The following CALN1 variants were observed in gnomAD, a reference collection of about 807,000 sequenced individuals.
The protein encoded by CALN1 is calcium-binding protein 8.
In CALN1, 17 loss-of-function variants were observed where a neutral mutation model predicts 30.6. That is an observed-to-expected ratio of 0.56 (90% CI 0.38 to 0.83). The LOEUF is 0.83. Among genes scored for constraint, CALN1 ranks in the 40% least tolerant of loss-of-function variants. The pLI is 0.00. For missense variants in CALN1, 291 were observed against 354.9 expected, an observed-to-expected ratio of 0.82 and a Z score of 1.45; for synonymous variants, 156 against 131.4, an observed-to-expected ratio of 1.19 and a Z score of -1.28.
chr7:71,821,433 T>C (rs536282007), intron 5 of CALN1, among the ~76,000 whole-genome samples: 35 of 152,228 alleles, frequency 2.3e-4, no homozygotes, highest in African/African-American at 7.5e-4. Context: ...GTGAAAGTCA[T>C]GTCTTACATG....
At chr7:71,908,425 A>G (rs1445915034) in intron 5 of CALN1, among the ~76,000 whole-genome samples, 1 of 152,250 alleles carries the variant, frequency 6.6e-6, no homozygotes, top group Non-Finnish European at 1.5e-5. Context: ...AAGACAGAAC[A>G]TAAATCACAA....
At chr7:72,381,280 A>G (rs780825907) in intron 2 of CALN1, among the ~76,000 whole-genome samples, 17 of 152,216 alleles carry the variant, frequency 1.1e-4, no homozygotes, top group Non-Finnish European at 2.2e-4. Flanking sequence ...CAGTGTGGCG[A>G]TTCCTCAAGG....
At chr7:71,899,205 G>A (rs371554443) in intron 5 of CALN1, among the ~76,000 whole-genome samples, 37 of 149,390 alleles carry the variant, frequency 2.5e-4, no homozygotes, top group South Asian at 4.2e-4. Context: ...GTGTAATGGC[G>A]CGATCTCGGC....
chr7:72,182,100 G>A (rs1386545233), intron 3 of CALN1, among the ~76,000 whole-genome samples: 2 of 152,180 alleles, frequency 1.3e-5, no homozygotes, highest in African/African-American at 2.4e-5. Flanking sequence ...CAAATGACAG[G>A]CTTCTTAAAG....
chr7:71,883,230 T>A (rs1792692686), intron 5 of CALN1, among the ~76,000 whole-genome samples: 1 of 152,154 alleles, frequency 6.6e-6, no homozygotes, highest in South Asian at 2.1e-4. Context: ...GAAGAGTTTG[T>A]GGCACAAAAT....
intron 2 of CALN1, among the ~76,000 whole-genome samples, chr7:72,397,606 T>C (rs776650857): frequency 9.2e-5 from 14 of 151,642 alleles, no homozygotes; most frequent in Non-Finnish European, 1.5e-4. Flanking sequence ...GGGGCAGAGA[T>C]TTTTACACAA....
intron 5 of CALN1, among the ~76,000 whole-genome samples, chr7:71,867,974 A>C (rs1359973562): frequency 6.6e-6 from 1 of 152,176 alleles, no homozygotes; most frequent in Admixed American, 6.5e-5. Flanking sequence ...TATGATAGAC[A>C]TATCTCCTTT....
At chr7:71,989,664 G>A (rs1798849108) in intron 5 of CALN1, among the ~76,000 whole-genome samples, 2 of 152,142 alleles carry the variant, frequency 1.3e-5, no homozygotes, top group African/African-American at 2.4e-5. Flanking sequence ...GGGAAAATAC[G>A]GATCCGGGGC....
At chr7:72,186,681 T>C (rs1790213386) in intron 3 of CALN1, among the ~76,000 whole-genome samples, 1 of 152,114 alleles carries the variant, frequency 6.6e-6, no homozygotes, top group African/African-American at 2.4e-5. Context: ...GGTTTTCTGT[T>C]TCTGTGTTAC....
At chr7:71,990,495 T>C (rs1009249436) in intron 5 of CALN1, among the ~76,000 whole-genome samples, 5 of 151,962 alleles carry the variant, frequency 3.3e-5, no homozygotes, top group African/African-American at 1.2e-4. Flanking sequence ...TTCTGTCACC[T>C]AGGCTGGAGT....
chr7:71,788,949 C>T (rs578226085), intron 6 of CALN1, among the ~76,000 whole-genome samples: 27 of 152,150 alleles, frequency 1.8e-4, no homozygotes, highest in African/African-American at 4.8e-4. Flanking sequence ...TGAGCCACTG[C>T]GCCTGGCCGA....
At chr7:71,935,210 A>G (rs535506849) in intron 5 of CALN1, among the ~76,000 whole-genome samples, 1 of 152,184 alleles carries the variant, frequency 6.6e-6, no homozygotes, top group Non-Finnish European at 1.5e-5. Context: ...GCTTTACTGA[A>G]GACGAACTAG....
intron 6 of CALN1, among the ~76,000 whole-genome samples, chr7:71,806,726 C>CT (rs1374161801): frequency 6.6e-6 from 1 of 152,126 alleles, no homozygotes; most frequent in Non-Finnish European, 1.5e-5. Context: ...AAGGACCCCC[C>CT]CCCAGGGAGC....
At chr7:71,823,251 G>A (rs1224493671) in intron 5 of CALN1, among the ~76,000 whole-genome samples, 1 of 151,680 alleles carries the variant, frequency 6.6e-6, no homozygotes, top group Non-Finnish European at 1.5e-5. Context: ...AGTAAGATCA[G>A]AGCTCACTGT....
intron 4 of CALN1, among the ~76,000 whole-genome samples, chr7:72,094,288 CTT>C (rs1806070603): frequency 6.6e-6 from 1 of 151,642 alleles, no homozygotes; most frequent in South Asian, 2.1e-4. Context: ...TTTTTTAACT[CTT>C]GTTGCCCAGG....
chr7:72,131,785 C>A (rs1178158813), intron 3 of CALN1, among the ~76,000 whole-genome samples: 3 of 152,158 alleles, frequency 2.0e-5, no homozygotes, highest in African/African-American at 7.2e-5. Flanking sequence ...TTGTCCCTTC[C>A]CACTCAACCC....
At chr7:72,235,193 G>A (rs945736023) in intron 3 of CALN1, among the ~76,000 whole-genome samples, 4 of 152,056 alleles carry the variant, frequency 2.6e-5, no homozygotes, top group African/African-American at 9.7e-5. Context: ...AGGATCACAT[G>A]AGCCCAGGAG....
intron 5 of CALN1, among the ~76,000 whole-genome samples, chr7:71,958,762 G>A (rs76866101): frequency 0.012 from 1,842 of 152,288 alleles, 32 homozygotes; most frequent in African/African-American, 0.041. Context: ...TCTTCTGTTA[G>A]ATTTCATGTT....
intron 2 of CALN1, among the ~76,000 whole-genome samples, chr7:72,319,894 T>C (rs1282690731): frequency 6.6e-6 from 1 of 152,008 alleles, no homozygotes; most frequent in Non-Finnish European, 1.5e-5. Context: ...AATTACTTAA[T>C]GGATACAATG....
Sources: allele counts gnomAD v4.1 joint callset (sites outside exome capture counted in the v4.1 genomes callset), GRCh38; gene constraint gnomAD v4.1.1; transcripts MANE v1.5; gene names NCBI Gene and HGNC (gene_info 2026-07-23, HGNC 2026-07-21).